Variants in OPN3 observed in about 807,000 individuals in gnomAD.
OPN3 encodes opsin-3.
Under a neutral mutation model 33.8 loss-of-function variants are expected in OPN3, and 29 were observed. The ratio of observed to expected loss-of-function variants is 0.86; its 90% CI spans 0.64 to 1.17. The LOEUF (loss-of-function observed/expected upper bound fraction) is 1.17. OPN3 is among the 50% of genes most tolerant of loss of function. The pLI is 0.00. For missense variants in OPN3, 437 were observed against 514.1 expected (o/e 0.85, Z 1.45); for synonymous variants, 216 against 216.1 (o/e 1.00, Z 0.00).
intron 2 of OPN3, among the ~76,000 whole-genome samples, chr1:241,602,884 A>T (rs554369077): frequency 3.3e-5 from 5 of 152,200 alleles, no homozygotes; most frequent in Admixed American, 6.5e-5. Flanking sequence ...GGCATATTTG[A>T]TATGCTCAAT....
intron 1 of OPN3, among the ~76,000 whole-genome samples, chr1:241,607,970 C>T (rs1020030670): frequency 6.6e-6 from 1 of 151,824 alleles, no homozygotes; most frequent in African/African-American, 2.4e-5. Flanking sequence ...TGATATTATC[C>T]TTTCTTTACC....
In OPN3 at chr1:241,594,279, C is replaced by A; in HGVS notation, c.*149G>T. 1.2e-6 allele frequency: 1 copy of A among 841,086 alleles called. No homozygotes were observed. The highest frequency in any genetic ancestry group is 1.8e-6 in the Non-Finnish European group (1 of 548,612). The allele number at this position is 841,086 out of a possible 1,614,324, so 52.1% of individuals were successfully genotyped here. ...TTTTTGTTCAACCTCTTCCTGAGGC[C>A]CAAGAGCATATGGGCAATTCGGATT... On this transcript the variant is annotated 3_prime_UTR_variant, in exon 4 of 4. Coordinates refer to ENST00000366554, the MANE Select transcript of OPN3 (RefSeq NM_014322.3).
intron 2 of OPN3, 119 bp downstream of exon 2, chr1:241,604,141 A>G: frequency 2.4e-6 from 2 of 850,268 alleles, no homozygotes; most frequent in Non-Finnish European, 3.8e-6. Context: ...GAAGTCCCCT[A>G]GAACTGCTCT....
chr1:241,597,749 T>C lies in OPN3; in HGVS notation c.942A>G (p.Arg314=). 1 of 1,611,948 alleles carries C rather than the reference T, an allele frequency of 6.2e-7. No homozygotes were observed. Among genetic ancestry groups the C allele is most frequent in the Non-Finnish European group, 8.5e-7 (1 of 1,178,598 alleles). The change falls in exon 3 of 4, where the codon AGA becomes AGG. Residue 314 remains arginine (R), a synonymous_variant. Transcript: ENST00000366554. Reference sequence around the variant, plus strand: ...ATCAGTTAATTGCAAAGCTTACCTTTCTGATCATGAAGACATAAATCACTG... The same window carrying C: ...ATCAGTTAATTGCAAAGCTTACCTTCCTGATCATGAAGACATAAATCACTG... ...YNPVIYVFMI[R]KFRRSLLQLL...
Position 241,640,299 on chromosome 1 carries a change from G to T in OPN3, c.-45C>A. 4 of 1,122,308 alleles carry T rather than the reference G, an allele frequency of 3.6e-6. No individual in the cohort carries two copies. The highest frequency in any genetic ancestry group is 8.8e-5 in the South Asian group (2 of 22,800). 69.5% of individuals were successfully genotyped at this position (1,122,308 alleles called of 1,614,324 possible). A position where few individuals can be genotyped will look rare whatever the true frequency, so the allele number is the denominator to read the frequency against. ...TGGCGGGCGGAGGCGCTCAGCTTGC[G>T]GCGGGGCTCGCGGCGCGCTCCGCAC... On this transcript the variant is annotated 5_prime_UTR_variant, in exon 1 of 4. Coordinates refer to ENST00000366554, the MANE Select transcript of OPN3 (RefSeq NM_014322.3).
At chr1:241,619,395 C>G (rs1664220089) in intron 1 of OPN3, among the ~76,000 whole-genome samples, 1 of 152,176 alleles carries the variant, frequency 6.6e-6, no homozygotes. Context: ...GAAAGGGCAT[C>G]TTTTCTAGCT....
intron 1 of OPN3, chr1:241,639,356 T>G (rs1665023126): frequency 6.6e-6 from 1 of 152,210 alleles, no homozygotes; most frequent in Non-Finnish European, 1.5e-5. Flanking sequence ...GGTTTACAAG[T>G]ACTAATGAGA....
chr1:241,635,133 G>C, intron 1 of OPN3: 1 of 1,612,618 alleles, frequency 6.2e-7, no homozygotes, highest in Non-Finnish European at 8.5e-7. Context: ...TTTCTAATTG[G>C]TTCATCGGCC....
At chr1:241,598,057 G>A (rs2147996088) in intron 2 of OPN3, 60 bp from the exon 3 acceptor site, 1 of 1,553,292 alleles carries the variant, frequency 6.4e-7, no homozygotes, top group Non-Finnish European at 8.7e-7. Flanking sequence ...TTCTTTTGTT[G>A]TTTTTATAAC....
At chr1:241,628,109 T>C (rs1037286774) in intron 1 of OPN3, among the ~76,000 whole-genome samples, 10 of 152,174 alleles carry the variant, frequency 6.6e-5, no homozygotes, top group Admixed American at 5.2e-4. Flanking sequence ...AGCCACCTGT[T>C]TTCAACTGTG....
At position 241,593,969 on chromosome 1, in the gene OPN3, T is replaced by G. The variant is rs1163372588; in HGVS notation, c.*459A>C. 1 of 155,304 alleles carries G rather than the reference T, an allele frequency of 6.4e-6. No individual in the cohort carries two copies. The highest frequency in any genetic ancestry group is 2.4e-5 in the African/African-American group (1 of 41,470). The allele number at this position is 155,304 out of a possible 1,614,324, so 9.6% of individuals were successfully genotyped here. ...TCTTTTTCATTCTAGAATTATCTCCTTGATAACTTGATCAGATATAGGACA... is the reference window on the plus strand; with the variant it reads ...TCTTTTTCATTCTAGAATTATCTCCGTGATAACTTGATCAGATATAGGACA... On this transcript the variant is annotated 3_prime_UTR_variant, in exon 4 of 4. Transcript: ENST00000366554.
intron 1 of OPN3, chr1:241,631,156 T>C (rs1414496): frequency 2.0e-5 from 3 of 152,092 alleles, no homozygotes; most frequent in Non-Finnish European, 2.9e-5. Flanking sequence ...CCCTAAATTT[T>C]TAAATGCTTT....
chr1:241,603,422 G>T (rs1663731538), intron 2 of OPN3, among the ~76,000 whole-genome samples: 1 of 151,878 alleles, frequency 6.6e-6, no homozygotes, highest in South Asian at 2.1e-4. Flanking sequence ...GGATAGAAAG[G>T]TTGGTAGAAC....
At chr1:241,605,298 C>T (rs922368326) in intron 1 of OPN3, among the ~76,000 whole-genome samples, 1 of 151,944 alleles carries the variant, frequency 6.6e-6, no homozygotes, top group African/African-American at 2.4e-5. Flanking sequence ...AAGGGGGTTG[C>T]AAAAGCTCAA....
chr1:241,617,277 A>G (rs1664156839), intron 1 of OPN3, among the ~76,000 whole-genome samples: 1 of 152,220 alleles, frequency 6.6e-6, no homozygotes, highest in Non-Finnish European at 1.5e-5. Context: ...AGATTACACA[A>G]AGCAAGTTGT....
At chr1:241,600,233 G>A (rs1217768694) in intron 2 of OPN3, 3 of 152,086 alleles carry the variant, frequency 2.0e-5, no homozygotes, top group African/African-American at 7.2e-5. Context: ...ATTGACTAAT[G>A]TTTTAGATTA....
chr1:241,639,291 A>G (rs1665020614), intron 1 of OPN3: 1 of 152,250 alleles, frequency 6.6e-6, no homozygotes, highest in Non-Finnish European at 1.5e-5. Context: ...GCACATGCCA[A>G]TTTGCATTCT....
intron 1 of OPN3, chr1:241,635,289 T>C: frequency 6.2e-7 from 1 of 1,614,020 alleles, no homozygotes; most frequent in Non-Finnish European, 8.5e-7. Flanking sequence ...GTATCACTTT[T>C]CTGAGTGTGT....
At chr1:241,639,397 T>G (rs1466131345) in intron 1 of OPN3, 1 of 152,522 alleles carries the variant, frequency 6.6e-6, no homozygotes, top group Non-Finnish European at 1.5e-5. Flanking sequence ...ATTTTGGTTT[T>G]CTACTCTCAT....
Sources: allele counts gnomAD v4.1 joint callset (sites outside exome capture counted in the v4.1 genomes callset), GRCh38; gene constraint gnomAD v4.1.1; transcripts MANE v1.5; gene names NCBI Gene and HGNC (gene_info 2026-07-23, HGNC 2026-07-21).